TAFA5: variants seen among roughly 807,000 people sequenced by gnomAD.
TAFA5 encodes TAFA chemokine like family member 5, also known as chemokine-like protein TAFA-5.
TAFA5 carries 6 observed loss-of-function variants against 15.3 expected under a neutral mutation model. The observed-to-expected ratio is 0.39, with a 90% CI of 0.21 to 0.77. TAFA5 has a LOEUF of 0.77. TAFA5 is among the 30% of genes least tolerant of loss of function. The pLI is 0.41. For missense variants in TAFA5, 161 were observed against 193.1 expected, an observed-to-expected ratio of 0.83 and a Z score of 0.98; for synonymous variants, 103 against 80.7, an observed-to-expected ratio of 1.28 and a Z score of -1.48.
intron 1 of TAFA5, among the ~76,000 whole-genome samples, chr22:48,576,728 C>T (rs1181820834): frequency 1.3e-5 from 2 of 151,408 alleles, no homozygotes; most frequent in Non-Finnish European, 3.0e-5. Flanking sequence ...GCGGCGCGAC[C>T]CTACCAGGAG....
chr22:48,750,874 T>C lies in TAFA5; in HGVS notation c.*1027T>C, dbSNP rs1930468667. 1 of 152,574 alleles carries C rather than the reference T, an allele frequency of 6.6e-6. No individual in the cohort carries two copies. Among genetic ancestry groups the C allele is most frequent in the Non-Finnish European group, 1.5e-5 (1 of 68,054 alleles). The allele number at this position is 152,574 out of a possible 1,614,324, so 9.5% of individuals were successfully genotyped here. A position where few individuals can be genotyped will look rare whatever the true frequency, so the allele number is the denominator to read the frequency against. The stretch of plus-strand genomic sequence containing the variant: ...GTTGTATATTTGTAGAAAATCCTAT[T>C]TAACAATTAACGTGGCAGTCCCGGC... On this transcript the variant is annotated 3_prime_UTR_variant, in exon 4 of 4. Transcript: ENST00000402357.
chr22:48,707,915 C>G, intron 3 of TAFA5, 71 bp downstream of exon 3: 1 of 1,551,106 alleles, frequency 6.4e-7, no homozygotes, highest in Non-Finnish European at 8.7e-7. Context: ...CCGACGCCAC[C>G]CGGGCTCCGC....
At chr22:48,698,105 G>GTGGTGGTGA (rs1305478522) in intron 2 of TAFA5, among the ~76,000 whole-genome samples, 9 of 150,914 alleles carry the variant, frequency 6.0e-5, no homozygotes, top group Non-Finnish European at 1.2e-4. Flanking sequence ...GGTGGTGGTG[G>GTGGTGGTGA]TGGTGGTGAT....
chr22:48,646,621 A>G lies in TAFA5; in HGVS notation c.137A>G (p.Glu46Gly). ...GGTCAGCTGGCCGCCGGCACCTGTG[A>G]GATTGTGACCTTGGACCGGGACAGC... ...YCSQLAAGTC[E>G]IVTLDRDSSQ... is the part of the protein sequence containing the mutation. The change falls in exon 2 of 4, where the codon GAG becomes GGG. Residue 46 changes from glutamate to glycine, a missense_variant. Glu to Gly is a moderately conservative substitution (Grantham distance 98). Transcript: ENST00000402357. 1 of 1,612,378 alleles carries G rather than the reference A, an allele frequency of 6.2e-7. No individual in the cohort carries two copies. The highest frequency in any genetic ancestry group is 8.5e-7 in the Non-Finnish European group (1 of 1,179,676).
intron 2 of TAFA5, among the ~76,000 whole-genome samples, chr22:48,703,033 A>G (rs1328877776): frequency 2.0e-5 from 3 of 152,210 alleles, no homozygotes; most frequent in Admixed American, 1.3e-4. Flanking sequence ...ATGTGGGTGC[A>G]TGTGCAGATA....
intron 1 of TAFA5, among the ~76,000 whole-genome samples, chr22:48,604,506 C>T (rs1925087526): frequency 6.6e-6 from 1 of 152,226 alleles, no homozygotes; most frequent in South Asian, 2.1e-4. Context: ...ACTGGATTTG[C>T]CCAGGCCCCT....
At chr22:48,551,543 C>T (rs1186071775) in intron 1 of TAFA5, among the ~76,000 whole-genome samples, 1 of 152,210 alleles carries the variant, frequency 6.6e-6, no homozygotes, top group African/African-American at 2.4e-5. Context: ...ATCAAGAATT[C>T]CGCTCCAGAA....
chr22:48,708,542 G>A (rs1290274522), intron 3 of TAFA5, among the ~76,000 whole-genome samples: 5 of 152,226 alleles, frequency 3.3e-5, no homozygotes, highest in Non-Finnish European at 7.3e-5. Flanking sequence ...CCCCTGCAGA[G>A]GGGCAGAGGA....
intron 1 of TAFA5, among the ~76,000 whole-genome samples, chr22:48,644,850 C>A (rs1223579550): frequency 6.6e-6 from 1 of 152,354 alleles, no homozygotes; most frequent in African/African-American, 2.4e-5. Flanking sequence ...CTCACGCACC[C>A]ACCACGGCTT....
intron 1 of TAFA5, among the ~76,000 whole-genome samples, chr22:48,571,435 C>G (rs561553092): frequency 6.6e-6 from 1 of 151,540 alleles, no homozygotes; most frequent in East Asian, 1.9e-4. Context: ...CTACCACGCC[C>G]AGCTAATTTT....
intron 1 of TAFA5, among the ~76,000 whole-genome samples, chr22:48,604,277 C>G (rs1048514535): frequency 1.3e-5 from 2 of 152,214 alleles, no homozygotes; most frequent in Non-Finnish European, 2.9e-5. Context: ...ACACTCTGAC[C>G]CTGTATGTGT....
At chr22:48,739,168 G>T (rs2147272395) in intron 3 of TAFA5, among the ~76,000 whole-genome samples, 1 of 152,226 alleles carries the variant, frequency 6.6e-6, no homozygotes, top group East Asian at 1.9e-4. Context: ...AAGCTTCTAG[G>T]AACTTCTCAA....
chr22:48,682,810 G>A (rs79603161), intron 2 of TAFA5, among the ~76,000 whole-genome samples: 4 of 151,552 alleles, frequency 2.6e-5, no homozygotes, highest in African/African-American at 9.7e-5. Context: ...GTTTTTTTTT[G>A]TGCGTGTGTT....
chr22:48,521,169 C>G (rs938619645), intron 1 of TAFA5, among the ~76,000 whole-genome samples: 1 of 152,176 alleles, frequency 6.6e-6, no homozygotes, highest in Non-Finnish European at 1.5e-5. Flanking sequence ...AGTTATTGCC[C>G]TATCATCGCT....
At chr22:48,556,553 T>A (rs1413269580) in intron 1 of TAFA5, among the ~76,000 whole-genome samples, 1 of 152,244 alleles carries the variant, frequency 6.6e-6, no homozygotes, top group Non-Finnish European at 1.5e-5. Context: ...AGACCTTTGA[T>A]TTTTGAAAGG....
intron 1 of TAFA5, among the ~76,000 whole-genome samples, chr22:48,568,321 G>A (rs1051891778): frequency 1.3e-5 from 2 of 152,226 alleles, no homozygotes; most frequent in Admixed American, 6.5e-5. Flanking sequence ...CTCTGCTCAC[G>A]TCTCGTCTGC....
intron 3 of TAFA5, among the ~76,000 whole-genome samples, chr22:48,743,901 C>T (rs889524482): frequency 4.6e-5 from 7 of 152,234 alleles, no homozygotes; most frequent in African/African-American, 7.2e-5. Context: ...CTACAGCAGC[C>T]GAGTGTTGCT....
At chr22:48,527,485 G>A (rs1485895711) in intron 1 of TAFA5, among the ~76,000 whole-genome samples, 1 of 152,238 alleles carries the variant, frequency 6.6e-6, no homozygotes, top group African/African-American at 2.4e-5. Flanking sequence ...CAGCTGCCCA[G>A]AGACAGCCGG....
chr22:48,520,396 G>C (rs530995836), intron 1 of TAFA5, among the ~76,000 whole-genome samples: 1 of 152,340 alleles, frequency 6.6e-6, no homozygotes, highest in Non-Finnish European at 1.5e-5. Context: ...CACCGTGCAC[G>C]GGCTCACCCC....
Sources: gnomAD v4.1 joint callset for allele counts (sites outside exome capture counted in the v4.1 genomes callset) on GRCh38, gnomAD v4.1.1 for gene constraint, MANE v1.5 for transcripts, NCBI Gene and HGNC (gene_info 2026-07-23, HGNC 2026-07-21) for gene names.